Variants in UBE2W observed in about 807,000 individuals in gnomAD.
The protein encoded by UBE2W is ubiquitin-conjugating enzyme E2 W.
In UBE2W, 18 loss-of-function variants were observed where a neutral mutation model predicts 27.2. The observed-to-expected ratio is 0.66, with a 90% CI of 0.46 to 0.98. The LOEUF (loss-of-function observed/expected upper bound fraction) is 0.98, where lower values mean the gene tolerates loss of function less well. Among genes scored for constraint, UBE2W ranks in the 50% least tolerant of loss-of-function variants. UBE2W has a pLI of 0.00. For synonymous variants in UBE2W, 53 were observed against 57.2 expected (o/e 0.93, Z 0.33); for missense variants, 90 against 180.2 (o/e 0.50, Z 2.87).
Position 73,792,915 on chromosome 8 carries a change from C to T in UBE2W, c.*1187G>A, listed in dbSNP as rs16938730. 25,039 of 985,482 alleles carry T rather than the reference C, an allele frequency of 0.025. 4,304 individuals are homozygous for T. In the African/African-American group the frequency reaches 0.38, roughly 15 times the overall value. 61.0% of individuals were successfully genotyped at this position (985,482 alleles called of 1,614,324 possible). ...CAAATAAGCAACCATTTGATAGTGA[C>T]TTTTGCCTAAATTTTAAAATAAAAA... On this transcript the variant is annotated 3_prime_UTR_variant, in exon 6 of 6. Coordinates refer to ENST00000602593, the MANE Select transcript of UBE2W (RefSeq NM_018299.6).
intron 1 of UBE2W, among the ~76,000 whole-genome samples, chr8:73,858,217 C>T (rs551253881): frequency 6.6e-6 from 1 of 152,026 alleles, no homozygotes; most frequent in South Asian, 2.1e-4. Flanking sequence ...AAAAATTAGT[C>T]GGGTGTGGTG....
intron 1 of UBE2W, among the ~76,000 whole-genome samples, chr8:73,868,539 A>G (rs1811870220): frequency 6.6e-6 from 1 of 152,192 alleles, no homozygotes; most frequent in Non-Finnish European, 1.5e-5. Context: ...GGGAACCTCC[A>G]ATTTGTAGCC....
chr8:73,819,256 T>C lies in UBE2W; in HGVS notation c.210+5891A>G, dbSNP rs534307411. On this transcript the variant is annotated intron_variant, in intron 3 of 5. Coordinates refer to ENST00000602593, the MANE Select transcript of UBE2W (RefSeq NM_018299.6). ...CTCACCATCTTCCATACTATATGTATTCTACTCGTTGCTTACTGTCTCTCC... is the reference window on the plus strand; with the variant it reads ...CTCACCATCTTCCATACTATATGTACTCTACTCGTTGCTTACTGTCTCTCC... Among the ~76,000 whole-genome samples the C allele has an allele frequency of 3.9e-5, 6 of 152,308 alleles. No individual in the cohort carries two copies. The East Asian group carries it at 1.2e-3, about 29-fold the overall frequency.
intron 1 of UBE2W, among the ~76,000 whole-genome samples, chr8:73,832,166 G>A (rs561223412): frequency 1.6e-4 from 23 of 143,106 alleles, no homozygotes; most frequent in African/African-American, 5.9e-4. Context: ...CCAGGTGTAG[G>A]GGCATGCACC....
chr8:73,839,333 A>T (rs545140799), intron 1 of UBE2W, among the ~76,000 whole-genome samples: 4 of 142,610 alleles, frequency 2.8e-5, no homozygotes, highest in Non-Finnish European at 6.0e-5. Flanking sequence ...ACATTTTTTT[A>T]AAATGCTCCT....
Position 73,793,951 on chromosome 8 carries a change from A to G in UBE2W, c.*151T>C. On this transcript the variant is annotated 3_prime_UTR_variant, in exon 6 of 6. Coordinates refer to ENST00000602593, the MANE Select transcript of UBE2W (RefSeq NM_018299.6). Reference sequence around the variant, plus strand: ...GAACCAGCGATCAACATGCGCCCAGAATGCACACGAGTAAAAATGCAGTAA... The same window carrying G: ...GAACCAGCGATCAACATGCGCCCAGGATGCACACGAGTAAAAATGCAGTAA... The G allele has an allele frequency of 6.8e-7, 1 of 1,465,186 alleles. No homozygotes were observed. The highest frequency in any genetic ancestry group is 9.0e-7 in the Non-Finnish European group (1 of 1,107,064). 90.8% of individuals were successfully genotyped at this position (1,465,186 alleles called of 1,614,324 possible). A position where few individuals can be genotyped will look rare whatever the true frequency, so the allele number is the denominator to read the frequency against.
chr8:73,805,454 C>CAAAAAAA (rs1162712227), intron 5 of UBE2W, among the ~76,000 whole-genome samples, 197 bp downstream of exon 5: 618 of 14,562 alleles, frequency 0.042, 130 homozygotes, highest in African/African-American at 0.057. Context: ...AACTCCATCT[C>CAAAAAAA]AAAAAAAAAA....
intron 1 of UBE2W, among the ~76,000 whole-genome samples, chr8:73,835,767 C>T (rs977048827): frequency 1.3e-5 from 2 of 152,098 alleles, no homozygotes; most frequent in African/African-American, 4.8e-5. Context: ...CAAAACAAAA[C>T]ACTATGGTTT....
chr8:73,786,442 C>A lies in UBE2W; in HGVS notation c.*7660G>T. 1.0e-6 allele frequency: 1 copy of A among 984,742 alleles called. No individual in the cohort carries two copies. 61.0% of individuals were successfully genotyped at this position (984,742 alleles called of 1,614,324 possible). On this transcript the variant is annotated 3_prime_UTR_variant, in exon 6 of 6. Transcript: ENST00000602593. ...GCCTATGTGCTACAGGTACTGTATA[C>A]TAGGTACTGTGTGCTACGTGCTGGG...
intron 1 of UBE2W, among the ~76,000 whole-genome samples, chr8:73,862,692 A>G (rs1811578842): frequency 7.5e-6 from 1 of 133,916 alleles, no homozygotes; most frequent in East Asian, 2.2e-4. Flanking sequence ...ACAAAGGGCT[A>G]ATATCCAGAA....
rs1433411182 is a variant in UBE2W, at chr8:73,800,321, G to T, written c.442+5330C>A. On this transcript the variant is annotated intron_variant, in intron 5 of 5. Coordinates refer to ENST00000602593, the MANE Select transcript of UBE2W (RefSeq NM_018299.6). The stretch of plus-strand genomic sequence containing the variant: ...TTCAAAACAAAGTTGTCCCTTAAAA[G>T]GAGAATGGTGGAGGGGAATGATTCA... Among the ~76,000 whole-genome samples, 4 of 152,142 alleles carry T rather than the reference G, an allele frequency of 2.6e-5. No individual in the cohort carries two copies. The East Asian group carries it at 7.7e-4, about 29-fold the overall frequency.
intron 4 of UBE2W, among the ~76,000 whole-genome samples, chr8:73,808,540 C>T (rs527291163): frequency 6.6e-6 from 1 of 152,302 alleles, no homozygotes; most frequent in Admixed American, 6.5e-5. Context: ...GCCTAAAACA[C>T]TTTTTAAGGT....
intron 5 of UBE2W, among the ~76,000 whole-genome samples, chr8:73,800,462 T>G (rs1436205075): frequency 6.6e-6 from 1 of 152,020 alleles, no homozygotes; most frequent in Non-Finnish European, 1.5e-5. Flanking sequence ...AAAAAAAAAT[T>G]TATGTACCCA....
rs1808196717 is a variant in UBE2W at position 73,791,509 on chromosome 8, T to C, written c.*2593A>G. On this transcript the variant is annotated 3_prime_UTR_variant, in exon 6 of 6. Coordinates refer to ENST00000602593, the MANE Select transcript of UBE2W (RefSeq NM_018299.6). ...AGGGAGGAGGCAAGTAGCATATTCC[T>C]ATATACATTTTCTTGATATTCTGGT... 2 of 985,320 alleles carry C rather than the reference T, an allele frequency of 2.0e-6. No homozygotes were observed. Among genetic ancestry groups the C allele is most frequent in the Non-Finnish European group, 2.4e-6 (2 of 829,822 alleles). 61.0% of individuals were successfully genotyped at this position (985,320 alleles called of 1,614,324 possible).
chr8:73,784,781 T>G (rs1274334415), downstream of UBE2W, among the ~76,000 whole-genome samples: 1 of 152,148 alleles, frequency 6.6e-6, no homozygotes, highest in African/African-American at 2.4e-5. Context: ...GGTGGGATGC[T>G]GGGGTAGTAC....
chr8:73,792,307 A>C lies in UBE2W; in HGVS notation c.*1795T>G. ...AAAGTGGTAATTGTTAACTAGCAGT[A>C]TATAAACAGTGTCCACAATTTGGTG... On this transcript the variant is annotated 3_prime_UTR_variant, in exon 6 of 6. Coordinates refer to ENST00000602593, the MANE Select transcript of UBE2W (RefSeq NM_018299.6). 1.0e-6 allele frequency: 1 copy of C among 985,358 alleles called. No homozygotes were observed. Among genetic ancestry groups the C allele is most frequent in the Non-Finnish European group, 1.2e-6 (1 of 829,742 alleles). The allele number at this position is 985,358 out of a possible 1,614,324, so 61.0% of individuals were successfully genotyped here.
intron 1 of UBE2W, 42 bp downstream of exon 1, chr8:73,878,766 G>A (rs1381154551): frequency 1.3e-6 from 2 of 1,513,742 alleles, no homozygotes; most frequent in Non-Finnish European, 1.8e-6. Context: ...GCACTCTCTC[G>A]GCGGCTCCCT....
intron 1 of UBE2W, among the ~76,000 whole-genome samples, chr8:73,857,095 G>C (rs1036273668): frequency 6.6e-6 from 1 of 152,014 alleles, no homozygotes; most frequent in African/African-American, 2.4e-5. Context: ...AGACAGTTTG[G>C]GAAACTTTTT....
intron 1 of UBE2W, among the ~76,000 whole-genome samples, chr8:73,845,720 T>A (rs115510791): frequency 0.01 from 1,421 of 141,530 alleles, 16 homozygotes; most frequent in African/African-American, 0.03. Flanking sequence ...TAAAAAAATT[T>A]AAAAAAAAAA....
Sources: gnomAD v4.1 joint callset for allele counts (sites outside exome capture counted in the v4.1 genomes callset) on GRCh38, gnomAD v4.1.1 for gene constraint, MANE v1.5 for transcripts, NCBI Gene and HGNC (gene_info 2026-07-23, HGNC 2026-07-21) for gene names.